Variants in SEMA5A observed in about 807,000 individuals in gnomAD.
The protein encoded by SEMA5A is semaphorin-5A.
SEMA5A carries 55 observed loss-of-function variants against 135.5 expected under a neutral mutation model. The ratio of observed to expected loss-of-function variants is 0.41; its 90% CI spans 0.33 to 0.51. The LOEUF (loss-of-function observed/expected upper bound fraction) is 0.51. Ranked by LOEUF, SEMA5A falls within the 20% of genes least tolerant of loss-of-function variation. The probability of loss-of-function intolerance (pLI) is 0.37; values close to 1 mark genes in which losing one functional copy is unlikely to be tolerated. For synonymous variants in SEMA5A, 580 were observed against 546.5 expected, an observed-to-expected ratio of 1.06 and a Z score of -0.85; for missense variants, 1,290 against 1,419.9, an observed-to-expected ratio of 0.91 and a Z score of 1.47.
At chr5:9,347,667 A>C (rs1263726845) in intron 3 of SEMA5A, among the ~76,000 whole-genome samples, 2 of 152,136 alleles carry the variant, frequency 1.3e-5, no homozygotes, top group Non-Finnish European at 2.9e-5. Context: ...GCACTGTTTC[A>C]GTGAGGGCAG....
At chr5:9,533,238 C>T in intron 1 of SEMA5A, among the ~76,000 whole-genome samples, 1 of 152,178 alleles carries the variant, frequency 6.6e-6, no homozygotes, top group East Asian at 1.9e-4. Flanking sequence ...AATAGCCCAG[C>T]TACCCCTCTG....
chr5:9,279,093 A>G (rs1364702133), intron 5 of SEMA5A, among the ~76,000 whole-genome samples: 1 of 152,170 alleles, frequency 6.6e-6, no homozygotes. Flanking sequence ...CAGGAACTCA[A>G]CGCCAGCCCA....
intron 2 of SEMA5A, among the ~76,000 whole-genome samples, chr5:9,409,635 A>C (rs539163815): frequency 2.5e-4 from 38 of 152,324 alleles, no homozygotes; most frequent in African/African-American, 9.1e-4. Context: ...GCTGACCTTC[A>C]GACCATCTTA....
At chr5:9,539,467 T>C (rs191102991) in intron 1 of SEMA5A, among the ~76,000 whole-genome samples, 1 of 152,342 alleles carries the variant, frequency 6.6e-6, no homozygotes, top group African/African-American at 2.4e-5. Flanking sequence ...CTAGGATGTC[T>C]AAAATCTCTG....
At chr5:9,264,023 C>A (rs1357745615) in intron 5 of SEMA5A, among the ~76,000 whole-genome samples, 2 of 152,156 alleles carry the variant, frequency 1.3e-5, no homozygotes, top group Non-Finnish European at 2.9e-5. Context: ...TGGAAACTCA[C>A]ATATATGGTC....
At position 9,060,076 on chromosome 5, in the gene SEMA5A, G is replaced by A. The variant is rs961873970; in HGVS notation, c.2518+2811C>T. Among the ~76,000 whole-genome samples, 4 of 152,010 alleles carry A rather than the reference G, an allele frequency of 2.6e-5. No individual in the cohort carries two copies. The South Asian group carries it at 6.2e-4, about 24-fold the overall frequency. On this transcript the variant is annotated intron_variant, in intron 18 of 22. Transcript: ENST00000382496. Reference sequence around the variant, plus strand: ...CAACCCTCCCTGCTGGGTCATGCCCGATCATATGTTTAGGAATTTCCCAGG... The same window carrying A: ...CAACCCTCCCTGCTGGGTCATGCCCAATCATATGTTTAGGAATTTCCCAGG...
chr5:9,353,172 AAGGGAAAGG>A (rs1754246498), intron 3 of SEMA5A, among the ~76,000 whole-genome samples: 1 of 107,692 alleles, frequency 9.3e-6, no homozygotes, highest in African/African-American at 3.8e-5. Flanking sequence ...GAGGGAAAGG[AAGGGAAAGG>A]AAGGGAAGGG....
At chr5:9,326,127 C>G (rs1261973079) in intron 4 of SEMA5A, among the ~76,000 whole-genome samples, 8 of 152,232 alleles carry the variant, frequency 5.3e-5, no homozygotes, top group South Asian at 2.1e-4. Context: ...GCACACAATA[C>G]TTTCCTCACT....
In SEMA5A at chr5:9,394,445, G is replaced by A. The variant is rs72727287; in HGVS notation, c.-77-14422C>T. ...GGCTTCCTGTGATGTGGGATACGGTGTCCCTGCTGTACACTAAAGCCACAA... is the reference window on the plus strand; with the variant it reads ...GGCTTCCTGTGATGTGGGATACGGTATCCCTGCTGTACACTAAAGCCACAA... On this transcript the variant is annotated intron_variant, in intron 2 of 22. Transcript: ENST00000382496. 4.8e-3 allele frequency among the ~76,000 whole-genome samples: 734 copies of A among 152,250 alleles called. 5 individuals carry two copies. Among genetic ancestry groups the A allele is most frequent in the Non-Finnish European group, 8.6e-3 (586 of 68,012 alleles).
intron 1 of SEMA5A, among the ~76,000 whole-genome samples, chr5:9,440,135 G>T (rs1758181017): frequency 6.6e-6 from 1 of 152,236 alleles, no homozygotes; most frequent in South Asian, 2.1e-4. Flanking sequence ...TAGTGACAAA[G>T]CAGAGGCCTT....
chr5:9,292,517 T>C (rs1254938638), intron 5 of SEMA5A, among the ~76,000 whole-genome samples: 1 of 152,116 alleles, frequency 6.6e-6, no homozygotes, highest in African/African-American at 2.4e-5. Context: ...ATACAGAAAT[T>C]GTAGTTAGGA....
chr5:9,442,978 G>A (rs1758294393), intron 1 of SEMA5A, among the ~76,000 whole-genome samples: 1 of 152,206 alleles, frequency 6.6e-6, no homozygotes, highest in African/African-American at 2.4e-5. Flanking sequence ...AATGCCAACT[G>A]GTTTGATTGA....
intron 5 of SEMA5A, among the ~76,000 whole-genome samples, chr5:9,309,264 C>T (rs746436253): frequency 6.6e-6 from 1 of 151,928 alleles, no homozygotes; most frequent in Non-Finnish European, 1.5e-5. Flanking sequence ...TCTGTTGGTA[C>T]GTAGCAAAAA....
intron 1 of SEMA5A, among the ~76,000 whole-genome samples, chr5:9,471,630 CAA>C (rs1483174047): frequency 6.6e-6 from 1 of 152,138 alleles, no homozygotes; most frequent in Admixed American, 6.5e-5. Flanking sequence ...GAAACAGTAG[CAA>C]AGAGAGTTTT....
At chr5:9,116,183 T>G (rs535993456) in intron 15 of SEMA5A, among the ~76,000 whole-genome samples, 3 of 152,268 alleles carry the variant, frequency 2.0e-5, no homozygotes, top group South Asian at 2.1e-4. Context: ...AAGCAGAGGA[T>G]CTAGCTAAGC....
chr5:9,206,628 T>A (rs1746033791), intron 8 of SEMA5A, among the ~76,000 whole-genome samples: 1 of 152,110 alleles, frequency 6.6e-6, no homozygotes, highest in South Asian at 2.1e-4. Flanking sequence ...CTTTAATAGG[T>A]TCTTGATATA....
At chr5:9,269,212 C>T (rs1170933632) in intron 5 of SEMA5A, among the ~76,000 whole-genome samples, 1 of 152,094 alleles carries the variant, frequency 6.6e-6, no homozygotes, top group East Asian at 1.9e-4. Flanking sequence ...GACTAGCACC[C>T]TGCTTACTCC....
chr5:9,041,958 C>T lies in SEMA5A; in HGVS notation c.*939G>A, dbSNP rs1237176109. ...TAGTTATAATTTAGTATTTTCAATA[C>T]TTTCACTAATTGACATCATAAATGT... On this transcript the variant is annotated 3_prime_UTR_variant, in exon 23 of 23. Transcript: ENST00000382496. 6 of 152,536 alleles carry T rather than the reference C, an allele frequency of 3.9e-5. No homozygotes were observed. The highest frequency in any genetic ancestry group is 3.9e-4 in the Admixed American group (6 of 15,274). The allele number at this position is 152,536 out of a possible 1,614,324, so 9.4% of individuals were successfully genotyped here.
chr5:9,185,638 C>T (rs963741743), intron 11 of SEMA5A, among the ~76,000 whole-genome samples: 1 of 151,954 alleles, frequency 6.6e-6, no homozygotes, highest in Admixed American at 6.6e-5. Flanking sequence ...TAAAATTCAC[C>T]CACTGATTTT....
Sources: gnomAD v4.1 joint callset for allele counts (sites outside exome capture counted in the v4.1 genomes callset) on GRCh38, gnomAD v4.1.1 for gene constraint, MANE v1.5 for transcripts, NCBI Gene and HGNC (gene_info 2026-07-23, HGNC 2026-07-21) for gene names.